Variants in LDB2 observed in about 807,000 individuals in gnomAD.
The protein encoded by LDB2 is LIM domain-binding protein 2.
In LDB2, 12 loss-of-function variants were observed where a neutral mutation model predicts 44.3. The observed-to-expected ratio is 0.27, with a 90% CI of 0.17 to 0.44. The LOEUF is 0.44. LDB2 is among the 20% of genes least tolerant of loss of function. The pLI is 1.00. For missense variants in LDB2, 344 were observed against 473.5 expected (o/e 0.73, Z 2.54); for synonymous variants, 164 against 174.8 (o/e 0.94, Z 0.49).
chr4:16,569,821 C>T (rs1336657080), intron 5 of LDB2, among the ~76,000 whole-genome samples: 1 of 152,134 alleles, frequency 6.6e-6, no homozygotes, highest in East Asian at 1.9e-4. Context: ...GGCTTAGAAG[C>T]CATGTTTAGC....
intron 1 of LDB2, among the ~76,000 whole-genome samples, chr4:16,765,471 A>G (rs1019729424): frequency 6.6e-6 from 1 of 152,214 alleles, no homozygotes; most frequent in Non-Finnish European, 1.5e-5. Context: ...TATAATCCCA[A>G]TAGAGCGTAT....
chr4:16,766,504 GTA>G (rs869072776), intron 1 of LDB2, among the ~76,000 whole-genome samples: 32 of 71,984 alleles, frequency 4.4e-4, no homozygotes, highest in African/African-American at 1.2e-3. Context: ...GTGTGTGTGT[GTA>G]TATATTTTTT....
chr4:16,617,797 C>T (rs1487103803), intron 2 of LDB2, among the ~76,000 whole-genome samples: 2 of 152,056 alleles, frequency 1.3e-5, no homozygotes, highest in Admixed American at 6.5e-5. Context: ...GATGCCAAGA[C>T]GCATAGGAAG....
chr4:16,675,979 A>G (rs974073345), intron 2 of LDB2, among the ~76,000 whole-genome samples: 3 of 152,302 alleles, frequency 2.0e-5, no homozygotes, highest in Admixed American at 2.0e-4. Flanking sequence ...AATATTTGGC[A>G]TATTGGTAGG....
At chr4:16,654,398 C>T (rs1454722242) in intron 2 of LDB2, among the ~76,000 whole-genome samples, 1 of 152,088 alleles carries the variant, frequency 6.6e-6, no homozygotes, top group Non-Finnish European at 1.5e-5. Context: ...TGTGGAAGGG[C>T]ACTGGAGAGG....
intron 1 of LDB2, among the ~76,000 whole-genome samples, chr4:16,853,254 C>G (rs1052496713): frequency 6.6e-6 from 1 of 152,022 alleles, no homozygotes; most frequent in Non-Finnish European, 1.5e-5. Context: ...GTTAATATCC[C>G]AAATTTGCAA....
At chr4:16,538,633 C>G (rs1732680439) in intron 5 of LDB2, among the ~76,000 whole-genome samples, 1 of 152,162 alleles carries the variant, frequency 6.6e-6, no homozygotes, top group African/African-American at 2.4e-5. Context: ...TCAGTATAAA[C>G]TAGCTGTGTG....
At chr4:16,851,217 C>A (rs1011404320) in intron 1 of LDB2, among the ~76,000 whole-genome samples, 3 of 151,890 alleles carry the variant, frequency 2.0e-5, no homozygotes, top group African/African-American at 7.3e-5. Flanking sequence ...TATCAACAGG[C>A]TTACAAAAGT....
chr4:16,861,618 A>T (rs1284028633), intron 1 of LDB2, among the ~76,000 whole-genome samples: 1 of 152,118 alleles, frequency 6.6e-6, no homozygotes, highest in African/African-American at 2.4e-5. Flanking sequence ...CCTCCTTCTA[A>T]TCACAGGGAT....
At chr4:16,656,753 G>T (rs889747275) in intron 2 of LDB2, among the ~76,000 whole-genome samples, 1 of 152,088 alleles carries the variant, frequency 6.6e-6, no homozygotes, top group Non-Finnish European at 1.5e-5. Context: ...TTGATTCAGC[G>T]TGATTTTTTT....
intron 2 of LDB2, among the ~76,000 whole-genome samples, chr4:16,629,280 C>T (rs1274685804): frequency 6.6e-6 from 1 of 152,192 alleles, no homozygotes; most frequent in Non-Finnish European, 1.5e-5. Flanking sequence ...GTGTTTCTCC[C>T]AGCATGGAGT....
intron 1 of LDB2, among the ~76,000 whole-genome samples, chr4:16,881,775 A>T (rs1273197634): frequency 2.6e-5 from 4 of 152,142 alleles, no homozygotes; most frequent in African/African-American, 9.7e-5. Context: ...GTGGACTTTA[A>T]AAAGCTGCTC....
intron 1 of LDB2, among the ~76,000 whole-genome samples, chr4:16,784,318 C>A (rs1773925321): frequency 6.6e-6 from 1 of 152,190 alleles, no homozygotes; most frequent in Non-Finnish European, 1.5e-5. Flanking sequence ...CATTCTGCTT[C>A]TGTAGTAGGA....
intron 2 of LDB2, among the ~76,000 whole-genome samples, chr4:16,758,554 A>T (rs551217321): frequency 9.8e-5 from 15 of 152,324 alleles, no homozygotes; most frequent in Middle Eastern, 6.8e-3. Flanking sequence ...AGGACAGATC[A>T]GCTGTTACCC....
At chr4:16,596,139 C>T (rs975608690) in intron 2 of LDB2, among the ~76,000 whole-genome samples, 2 of 152,074 alleles carry the variant, frequency 1.3e-5, no homozygotes, top group African/African-American at 4.8e-5. Flanking sequence ...AGGGTTAGTA[C>T]TTTAAAAATA....
intron 1 of LDB2, among the ~76,000 whole-genome samples, chr4:16,886,756 G>C (rs1167935328): frequency 1.3e-5 from 2 of 151,964 alleles, no homozygotes; most frequent in South Asian, 2.1e-4. Context: ...GTTTTGGCTG[G>C]GCACGGTGGC....
chr4:16,897,580 T>C (rs1159274213), intron 1 of LDB2, among the ~76,000 whole-genome samples: 1 of 152,112 alleles, frequency 6.6e-6, no homozygotes, highest in Non-Finnish European at 1.5e-5. Context: ...CCTAGGAGGC[T>C]GAGTCTCCCT....
chr4:16,858,551 A>G (rs1220926424), intron 1 of LDB2, among the ~76,000 whole-genome samples: 1 of 152,134 alleles, frequency 6.6e-6, no homozygotes, highest in Non-Finnish European at 1.5e-5. Flanking sequence ...CCATTTTCTG[A>G]TCAGATAACA....
intron 1 of LDB2, among the ~76,000 whole-genome samples, chr4:16,885,214 T>C (rs1201916305): frequency 1.3e-5 from 2 of 148,954 alleles, no homozygotes; most frequent in South Asian, 2.2e-4. Context: ...TGCATGCCTG[T>C]GGTCCCAGCT....
Sources: allele counts gnomAD v4.1 joint callset (sites outside exome capture counted in the v4.1 genomes callset), GRCh38; gene constraint gnomAD v4.1.1; transcripts MANE v1.5; gene names NCBI Gene and HGNC (gene_info 2026-07-23, HGNC 2026-07-21).